Variants in ERBB4 observed in about 807,000 individuals in gnomAD.
ERBB4 encodes receptor tyrosine-protein kinase erbB-4.
In ERBB4, 42 loss-of-function variants were observed where a neutral mutation model predicts 158.0. The ratio of observed to expected loss-of-function variants is 0.27; its 90% CI spans 0.21 to 0.34. The LOEUF is 0.34. Among genes scored for constraint, ERBB4 ranks in the 10% least tolerant of loss-of-function variants. The pLI is 1.00. For synonymous variants in ERBB4, 583 were observed against 558.7 expected (o/e 1.04, Z -0.61); for missense variants, 1,333 against 1,624.1 (o/e 0.82, Z 3.08).
chr2:212,294,697 A>G (rs1300510323), intron 1 of ERBB4, among the ~76,000 whole-genome samples: 4 of 152,102 alleles, frequency 2.6e-5, no homozygotes, highest in East Asian at 1.9e-4. Context: ...AATACTGCCT[A>G]GAATTTTAAA....
chr2:212,530,336 G>A lies in ERBB4; in HGVS notation c.82+8113C>T, dbSNP rs531809480. Among the ~76,000 whole-genome samples, 3 of 152,236 alleles carry A rather than the reference G, an allele frequency of 2.0e-5. No individual in the cohort carries two copies. The South Asian group carries it at 6.2e-4, about 32-fold the overall frequency. On this transcript the variant is annotated intron_variant, in intron 1 of 27. Coordinates refer to ENST00000342788, the MANE Select transcript of ERBB4 (RefSeq NM_005235.3). Reference sequence around the variant, plus strand: ...CCAGACAAAAGGAATTCCTGAAAATGAAAGTATGTGTATAAAAGAAATATT... The same window carrying A: ...CCAGACAAAAGGAATTCCTGAAAATAAAAGTATGTGTATAAAAGAAATATT...
At position 211,383,676 on chromosome 2, in the gene ERBB4, G is replaced by A. The variant is rs1365124530; in HGVS notation, c.3866C>T (p.Ser1289Phe). The stretch of plus-strand genomic sequence containing the variant: ...CGGCAGCACAGTGCCTGGCTTCAGG[G>A]AGAACTCAGAGAGGTATTCAGGATT... The part of the protein sequence containing the change: ...AENPEYLSEF[S>F]LKPGTVLPPP... The change falls in exon 28 of 28, where the codon TCC becomes TTC. Residue 1289 changes from serine (S) to phenylalanine (F), a missense_variant. Coordinates refer to ENST00000342788, the MANE Select transcript of ERBB4 (RefSeq NM_005235.3). 1.9e-6 allele frequency: 3 copies of A among 1,613,980 alleles called. 1 individual carries two copies. The highest frequency in any genetic ancestry group is 2.2e-5 in the South Asian group (2 of 91,066).
intron 1 of ERBB4, among the ~76,000 whole-genome samples, chr2:212,441,465 G>T (rs2092253133): frequency 6.6e-6 from 1 of 152,162 alleles, no homozygotes; most frequent in African/African-American, 2.4e-5. Flanking sequence ...GTTCTGGTAG[G>T]TCCCTAGAGT....
chr2:211,731,527 G>A (rs1249696649), intron 5 of ERBB4, among the ~76,000 whole-genome samples: 1 of 152,068 alleles, frequency 6.6e-6, no homozygotes, highest in East Asian at 1.9e-4. Flanking sequence ...ACTGTAATGG[G>A]CTTCTTAAGT....
chr2:212,287,706 C>T (rs928973797), intron 1 of ERBB4, among the ~76,000 whole-genome samples: 1 of 152,090 alleles, frequency 6.6e-6, no homozygotes, highest in Non-Finnish European at 1.5e-5. Context: ...GTCACAATTC[C>T]AGAAAAGACT....
chr2:211,952,725 A>G (rs1028894857), intron 2 of ERBB4, among the ~76,000 whole-genome samples: 12 of 152,146 alleles, frequency 7.9e-5, no homozygotes, highest in Admixed American at 5.9e-4. Context: ...TAAGAAAGAG[A>G]TACCAATATT....
chr2:211,905,087 A>C (rs2079341368), intron 3 of ERBB4, among the ~76,000 whole-genome samples: 1 of 152,126 alleles, frequency 6.6e-6, no homozygotes, highest in Admixed American at 6.6e-5. Flanking sequence ...TAAACAACAC[A>C]CATTCATTGC....
intron 2 of ERBB4, among the ~76,000 whole-genome samples, chr2:212,092,217 G>T (rs981863843): frequency 6.6e-6 from 1 of 152,152 alleles, no homozygotes; most frequent in Non-Finnish European, 1.5e-5. Context: ...AATGCCATTA[G>T]GGAATTATAC....
At chr2:211,430,193 TTTG>T (rs2063720040) in intron 21 of ERBB4, among the ~76,000 whole-genome samples, 1 of 152,112 alleles carries the variant, frequency 6.6e-6, no homozygotes, top group South Asian at 2.1e-4. Flanking sequence ...TGGGTTTTTT[TTTG>T]TTGTTGTTAG....
At chr2:211,614,612 A>G (rs541634832) in intron 19 of ERBB4, among the ~76,000 whole-genome samples, 13 of 152,104 alleles carry the variant, frequency 8.5e-5, no homozygotes, top group Non-Finnish European at 1.2e-4. Context: ...TATAGCTAAG[A>G]GTTACTATGT....
chr2:211,682,035 G>A (rs966401360), intron 12 of ERBB4, among the ~76,000 whole-genome samples: 1 of 136,462 alleles, frequency 7.3e-6, no homozygotes, highest in African/African-American at 2.9e-5. Context: ...GAACCATTAA[G>A]ACATTTTATA....
chr2:211,678,184 C>T (rs2072163027), intron 13 of ERBB4, among the ~76,000 whole-genome samples: 1 of 151,876 alleles, frequency 6.6e-6, no homozygotes, highest in Non-Finnish European at 1.5e-5. Context: ...TTCAAAACCA[C>T]TTCAAATAGA....
At chr2:212,505,426 T>C (rs1269310552) in intron 1 of ERBB4, among the ~76,000 whole-genome samples, 2 of 149,728 alleles carry the variant, frequency 1.3e-5, no homozygotes, top group Non-Finnish European at 3.0e-5. Context: ...GAGTGAGTAT[T>C]AAACATCAAG....
At chr2:211,770,551 C>CA (rs2075665611) in intron 4 of ERBB4, among the ~76,000 whole-genome samples, 1 of 152,182 alleles carries the variant, frequency 6.6e-6, no homozygotes, top group East Asian at 1.9e-4. Flanking sequence ...ATAAAATTCA[C>CA]ATATTTTAGT....
At chr2:212,529,787 T>C (rs1439897972) in intron 1 of ERBB4, among the ~76,000 whole-genome samples, 2 of 152,078 alleles carry the variant, frequency 1.3e-5, no homozygotes, top group African/African-American at 4.8e-5. Context: ...CTGGCTAGAG[T>C]AGCCAGTGAA....
intron 4 of ERBB4, among the ~76,000 whole-genome samples, chr2:211,769,418 AT>A (rs1343405318): frequency 6.6e-6 from 1 of 152,132 alleles, no homozygotes; most frequent in Non-Finnish European, 1.5e-5. Flanking sequence ...ATTTCCAGGT[AT>A]TTTTTAGCAA....
intron 20 of ERBB4, among the ~76,000 whole-genome samples, chr2:211,504,131 C>T (rs13003469): frequency 0.3 from 45,449 of 151,916 alleles, 7,407 homozygotes; most frequent in East Asian, 0.42. Flanking sequence ...CCTGCAAGTG[C>T]CACCTACTAG....
At chr2:212,506,246 T>C (rs1252425503) in intron 1 of ERBB4, among the ~76,000 whole-genome samples, 2 of 148,748 alleles carry the variant, frequency 1.3e-5, no homozygotes, top group African/African-American at 4.9e-5. Context: ...TTTCCCCATC[T>C]CTCTCCCTCT....
In ERBB4 at chr2:211,936,551, G is replaced by A. The variant is rs535000133; in HGVS notation, c.421+10879C>T. Among the ~76,000 whole-genome samples, 65 of 151,904 alleles carry A rather than the reference G, an allele frequency of 4.3e-4. No homozygotes were observed. In the Middle Eastern group the frequency reaches 0.01, roughly 24 times the overall value. Reference sequence around the variant, plus strand: ...AAGATATGAAATATGTTATACAGACGGATCATAAAATATTAAGGAAGAGGG... The same window carrying A: ...AAGATATGAAATATGTTATACAGACAGATCATAAAATATTAAGGAAGAGGG... On this transcript the variant is annotated intron_variant, in intron 3 of 27. Coordinates refer to ENST00000342788, the MANE Select transcript of ERBB4 (RefSeq NM_005235.3).
Sources: allele counts gnomAD v4.1 joint callset (sites outside exome capture counted in the v4.1 genomes callset), GRCh38; gene constraint gnomAD v4.1.1; transcripts MANE v1.5; gene names NCBI Gene and HGNC (gene_info 2026-07-23, HGNC 2026-07-21).